The following QRSL1 variants were observed in gnomAD, a reference collection of about 807,000 sequenced individuals.
The protein encoded by QRSL1 is glutamyl-tRNA(Gln) amidotransferase subunit A, mitochondrial.
A neutral mutation model predicts 61.6 loss-of-function variants in QRSL1; 54 were observed. That is an observed-to-expected ratio of 0.88 (90% CI 0.70 to 1.10). The LOEUF (loss-of-function observed/expected upper bound fraction) is 1.10. QRSL1 is among the 50% of genes least tolerant of loss of function. The pLI is 0.00. For synonymous variants in QRSL1, 228 were observed against 225.7 expected (o/e 1.01, Z -0.09); for missense variants, 505 against 622.6 (o/e 0.81, Z 2.01).
chr6:106,652,731 T>C (rs1205254808), intron 7 of QRSL1, 149 bp downstream of exon 7: 4 of 1,537,502 alleles, frequency 2.6e-6, no homozygotes, highest in Non-Finnish European at 3.5e-6. Flanking sequence ...CTCTTTTAGC[T>C]CAATTTCCCC....
chr6:106,635,761 C>T (rs1415845499), intron 1 of QRSL1, among the ~76,000 whole-genome samples: 1 of 151,916 alleles, frequency 6.6e-6, no homozygotes, highest in East Asian at 1.9e-4. Flanking sequence ...ATCCCAGCTA[C>T]TCAGGAGGCT....
intron 1 of QRSL1, among the ~76,000 whole-genome samples, chr6:106,639,682 C>T (rs1459030071): frequency 6.6e-6 from 1 of 152,082 alleles, no homozygotes; most frequent in East Asian, 1.9e-4. Context: ...CTCATCACTC[C>T]ATCTTAGGCC....
intron 1 of QRSL1, 70 bp downstream of exon 1, chr6:106,629,775 C>T: frequency 1.9e-6 from 3 of 1,552,814 alleles, no homozygotes; most frequent in East Asian, 2.4e-5. Flanking sequence ...GACAAAGAGT[C>T]CCTGGGCCTT....
rs1318220348 is a variant in QRSL1, at chr6:106,666,189, G to A, written c.*187G>A. The A allele has an allele frequency of 3.6e-6, 2 of 563,114 alleles. No individual in the cohort carries two copies. The highest frequency in any genetic ancestry group is 6.4e-5 in the East Asian group (2 of 31,292). 34.9% of individuals were successfully genotyped at this position (563,114 alleles called of 1,614,324 possible). On this transcript the variant is annotated 3_prime_UTR_variant, in exon 11 of 11. Transcript: ENST00000369046. ...TAGCCAGGCTTAGTGGCGGGCATCT[G>A]TAGTCCCAGCTACTCAGGAGGCTGA...
rs1777445763 is a variant in QRSL1, at chr6:106,666,934, T to G, written c.*932T>G. The G allele has an allele frequency of 6.6e-6, 1 of 152,086 alleles. No homozygotes were observed. The highest frequency in any genetic ancestry group is 2.4e-5 in the African/African-American group (1 of 41,350). 9.4% of individuals were successfully genotyped at this position (152,086 alleles called of 1,614,324 possible). On this transcript the variant is annotated 3_prime_UTR_variant, in exon 11 of 11. Coordinates refer to ENST00000369046, the MANE Select transcript of QRSL1 (RefSeq NM_018292.5). The stretch of plus-strand genomic sequence containing the variant: ...TTCCCTAAGAAAGAGCTGAAATGAC[T>G]GAGAACTTTCCTTTCCTCCTTAGAG...
chr6:106,640,989 A>G, intron 3 of QRSL1, 68 bp downstream of exon 3: 1 of 1,098,110 alleles, frequency 9.1e-7, no homozygotes, highest in Non-Finnish European at 1.4e-6. Context: ...TAAGGATAAT[A>G]AAGTACCAAG....
rs1200478998 is a variant in QRSL1, at chr6:106,666,008, T to G, written c.*6T>G. 1 of 1,611,404 alleles carries G rather than the reference T, an allele frequency of 6.2e-7. No homozygotes were observed. The highest frequency in any genetic ancestry group is 8.5e-7 in the Non-Finnish European group (1 of 1,177,756). On this transcript the variant is annotated 3_prime_UTR_variant, in exon 11 of 11. Coordinates refer to ENST00000369046, the MANE Select transcript of QRSL1 (RefSeq NM_018292.5). Reference sequence around the variant, plus strand: ...CTGTCTCTCTAAAACAGTAAACATATCTTACAAATTAAAATGACTTTTAGG... The same window carrying G: ...CTGTCTCTCTAAAACAGTAAACATAGCTTACAAATTAAAATGACTTTTAGG...
chr6:106,647,029 A>G (rs976201365), intron 4 of QRSL1, among the ~76,000 whole-genome samples: 3 of 4,820 alleles, frequency 6.2e-4, no homozygotes, highest in African/African-American at 2.0e-3. Flanking sequence ...CTCCTTCTCA[A>G]AAAAAAAAAA....
At chr6:106,659,797 G>T (rs1777327595) in intron 9 of QRSL1, among the ~76,000 whole-genome samples, 1 of 152,206 alleles carries the variant, frequency 6.6e-6, no homozygotes. Flanking sequence ...ACTTTGAGGT[G>T]ATGCTTTGAT....
chr6:106,638,890 C>G (rs1405167728), intron 1 of QRSL1, among the ~76,000 whole-genome samples: 1 of 152,128 alleles, frequency 6.6e-6, no homozygotes, highest in African/African-American at 2.4e-5. Context: ...CAAATGCAAA[C>G]TTCTGTTGCT....
At chr6:106,644,363 A>G (rs1777074796) in intron 4 of QRSL1, among the ~76,000 whole-genome samples, 1 of 151,996 alleles carries the variant, frequency 6.6e-6, no homozygotes, top group Admixed American at 6.6e-5. Context: ...TATCTGTGTT[A>G]CCCAGGCTGG....
intron 1 of QRSL1, among the ~76,000 whole-genome samples, chr6:106,633,589 C>A (rs781028374): frequency 1.3e-5 from 2 of 152,044 alleles, no homozygotes; most frequent in African/African-American, 4.8e-5. Flanking sequence ...AGGTAAAATT[C>A]CCATTTGTAA....
In QRSL1 at chr6:106,652,237, A is replaced by C. The variant is rs369873738; in HGVS notation, c.586A>C (p.Thr196Pro). The C allele has an allele frequency of 1.2e-6, 2 of 1,614,122 alleles. No individual in the cohort carries two copies. The highest frequency in any genetic ancestry group is 8.5e-7 in the Non-Finnish European group (1 of 1,179,964). ...TTTAGGATCAGATACAGGAGGATCG[A>C]CCAGAAATCCTGCTGCCCACTGTGG... ...AALGSDTGGSTRNPAAHCGLV... is the reference protein window; with the variant it reads ...AALGSDTGGSPRNPAAHCGLV... Residue 196 changes from threonine to proline, a missense_variant, in exon 6 of 11, where the codon ACC becomes CCC. Thr to Pro is a conservative substitution (Grantham distance 38, BLOSUM62 -1). Coordinates refer to ENST00000369046, the MANE Select transcript of QRSL1 (RefSeq NM_018292.5).
In QRSL1 at chr6:106,634,277, A is replaced by G. The variant is rs73508278; in HGVS notation, c.24+4572A>G. On this transcript the variant is annotated intron_variant, in intron 1 of 10. Coordinates refer to ENST00000369046, the MANE Select transcript of QRSL1 (RefSeq NM_018292.5). ...AAGTGAATGAGGAGAGCAATGAGAG[A>G]AGAGGTTAGGGAGACAGGTAGGAGC... 6.2e-3 allele frequency among the ~76,000 whole-genome samples: 944 copies of G among 152,300 alleles called. 9 individuals are homozygous for G. The highest frequency in any genetic ancestry group is 0.022 in the African/African-American group (900 of 41,558).
chr6:106,629,708 G>T lies in QRSL1; in HGVS notation c.24+3G>T. On this transcript the variant is annotated splice_donor_region_variant and intron_variant, in intron 1 of 10. Coordinates refer to ENST00000369046, the MANE Select transcript of QRSL1 (RefSeq NM_018292.5). ...TGCTGGGCCGGAGCCTCCGAGAAGTGAGTGGAATTGGCCCGCTGAGGCCCC... is the reference window on the plus strand; with the variant it reads ...TGCTGGGCCGGAGCCTCCGAGAAGTTAGTGGAATTGGCCCGCTGAGGCCCC... 6.2e-7 allele frequency: 1 copy of T among 1,605,708 alleles called. No homozygotes were observed. Among genetic ancestry groups the T allele is most frequent in the Non-Finnish European group, 8.5e-7 (1 of 1,176,734 alleles).
intron 5 of QRSL1, among the ~76,000 whole-genome samples, chr6:106,649,889 T>A (rs1777167626): frequency 6.6e-6 from 1 of 152,208 alleles, no homozygotes; most frequent in African/African-American, 2.4e-5. Context: ...CTCAATTTAA[T>A]CAAAATGAAT....
chr6:106,641,301 G>A (rs1327378118), intron 3 of QRSL1, among the ~76,000 whole-genome samples: 2 of 151,962 alleles, frequency 1.3e-5, no homozygotes, highest in Non-Finnish European at 2.9e-5. Context: ...TCTAAAAAAC[G>A]AAATAAAAAA....
chr6:106,638,461 C>T (rs1015416343), intron 1 of QRSL1, among the ~76,000 whole-genome samples: 1 of 152,068 alleles, frequency 6.6e-6, no homozygotes, highest in Non-Finnish European at 1.5e-5. Context: ...TGCACCACCA[C>T]GCCTGGCTAA....
intron 8 of QRSL1, 107 bp downstream of exon 8, chr6:106,655,029 A>G: frequency 9.5e-7 from 1 of 1,056,684 alleles, no homozygotes; most frequent in Non-Finnish European, 1.4e-6. Context: ...TTAGTGATTC[A>G]GAAAAGTTCA....
Sources: allele counts gnomAD v4.1 joint callset (sites outside exome capture counted in the v4.1 genomes callset), GRCh38; gene constraint gnomAD v4.1.1; transcripts MANE v1.5; gene names NCBI Gene and HGNC (gene_info 2026-07-23, HGNC 2026-07-21).